FREM1: variants seen among roughly 807,000 people sequenced by gnomAD.
FREM1 encodes the protein FRAS1 related extracellular matrix 1, also known as FRAS1-related extracellular matrix protein 1.
In FREM1, 220 loss-of-function variants were observed where a neutral mutation model predicts 210.1. The ratio of observed to expected loss-of-function variants is 1.05; its 90% CI spans 0.94 to 1.17. FREM1 has a LOEUF of 1.17. Ranked by LOEUF, FREM1 falls within the 50% of genes most tolerant of loss-of-function variation. The pLI, the probability that FREM1 is intolerant of heterozygous loss-of-function variation, is 0.00. For synonymous variants in FREM1, 1,189 were observed against 980.2 expected, an observed-to-expected ratio of 1.21 and a Z score of -3.98; for missense variants, 3,454 against 2,675.5, an observed-to-expected ratio of 1.29 and a Z score of -6.42.
chr9:14,753,829 T>G (rs1843798430), intron 29 of FREM1, among the ~76,000 whole-genome samples: 1 of 152,218 alleles, frequency 6.6e-6, no homozygotes, highest in Admixed American at 6.5e-5. Context: ...GCTTCTGGGT[T>G]AATAAATTCT....
intron 1 of FREM1, among the ~76,000 whole-genome samples, chr9:14,872,850 C>G (rs1287779381): frequency 1.3e-5 from 2 of 151,926 alleles, no homozygotes; most frequent in African/African-American, 2.4e-5. Flanking sequence ...CCCATCAATA[C>G]CTAATTTATT....
chr9:14,846,559 C>G (rs922548476), intron 7 of FREM1, among the ~76,000 whole-genome samples: 8 of 152,144 alleles, frequency 5.3e-5, no homozygotes, highest in Non-Finnish European at 1.2e-4. Context: ...TTGGCAAGTT[C>G]TATGACATGC....
chr9:14,754,994 G>A (rs1247853456), intron 29 of FREM1, among the ~76,000 whole-genome samples: 2 of 152,138 alleles, frequency 1.3e-5, no homozygotes, highest in Non-Finnish European at 2.9e-5. Flanking sequence ...AGAACGCTAC[G>A]TGAAGATGAA....
At chr9:14,903,555 A>T (rs991394058) in intron 1 of FREM1, among the ~76,000 whole-genome samples, 17 of 152,038 alleles carry the variant, frequency 1.1e-4, no homozygotes, top group Non-Finnish European at 2.4e-4. Context: ...ATTCCGTAAG[A>T]CCTCATCATT....
At chr9:14,743,880 G>A (rs1841976051) in intron 35 of FREM1, among the ~76,000 whole-genome samples, 3 of 151,878 alleles carry the variant, frequency 2.0e-5, no homozygotes, top group Admixed American at 2.0e-4. Context: ...TCCTCAAGGA[G>A]AAAAAAAGAC....
chr9:14,826,355 G>C (rs145750846), intron 10 of FREM1, among the ~76,000 whole-genome samples: 3,770 of 152,236 alleles, frequency 0.025, 63 homozygotes, highest in Non-Finnish European at 0.037. Context: ...GCCTCCCAAA[G>C]TGCTGGGATT....
chr9:14,784,334 C>T, intron 24 of FREM1, 36 bp downstream of exon 24: 2 of 1,589,774 alleles, frequency 1.3e-6, no homozygotes, highest in East Asian at 4.5e-5. Flanking sequence ...AGTATTAATC[C>T]AAAGAAGGGG....
At chr9:14,792,613 A>C (rs1281768999) in intron 22 of FREM1, 130 bp downstream of exon 22, 11 of 661,862 alleles carry the variant, frequency 1.7e-5, no homozygotes, top group Admixed American at 1.1e-4. Flanking sequence ...TGAACTAGTA[A>C]AATTAAATTT....
At chr9:14,855,007 T>C (rs2131465430) in intron 5 of FREM1, among the ~76,000 whole-genome samples, 1 of 152,218 alleles carries the variant, frequency 6.6e-6, no homozygotes, top group South Asian at 2.1e-4. Flanking sequence ...AATTTATAGT[T>C]CTAATTGGAT....
chr9:14,749,837 C>T (rs943365561), intron 30 of FREM1, among the ~76,000 whole-genome samples: 28 of 152,196 alleles, frequency 1.8e-4, no homozygotes, highest in East Asian at 3.9e-4. Context: ...AAATAATTGT[C>T]GACAGATTCT....
chr9:14,907,451 A>G (rs1282436153), intron 1 of FREM1, among the ~76,000 whole-genome samples: 1 of 152,162 alleles, frequency 6.6e-6, no homozygotes, highest in Non-Finnish European at 1.5e-5. Flanking sequence ...ACTTGAATGA[A>G]AGGGTCAGGT....
chr9:14,876,920 G>C (rs143928067), intron 1 of FREM1, among the ~76,000 whole-genome samples: 91 of 152,316 alleles, frequency 6.0e-4, no homozygotes, highest in Non-Finnish European at 5.9e-5. Flanking sequence ...AGGGAGAGGA[G>C]AGGCAAGAAG....
intron 21 of FREM1, among the ~76,000 whole-genome samples, chr9:14,793,086 A>C (rs1312945144): frequency 6.6e-6 from 1 of 152,272 alleles, no homozygotes; most frequent in African/African-American, 2.4e-5. Flanking sequence ...ACAATGGGTC[A>C]GCCCTAATGA....
In FREM1 at chr9:14,739,892, T is replaced by C. The variant is rs970004988; in HGVS notation, c.6340+257A>G. Among the ~76,000 whole-genome samples, 3 of 152,224 alleles carry C rather than the reference T, an allele frequency of 2.0e-5. No homozygotes were observed. In the South Asian group the frequency reaches 6.2e-4, roughly 32 times the overall value. On this transcript the variant is annotated intron_variant, in intron 36 of 36. Transcript: ENST00000380880. ...TAATTTTTTGGTTTTAGAAATGTTA[T>C]TGCATTGAATTCTCTTGCCTGTCAA...
intron 10 of FREM1, among the ~76,000 whole-genome samples, chr9:14,833,520 C>T (rs905738961): frequency 4.6e-5 from 7 of 152,290 alleles, no homozygotes; most frequent in African/African-American, 1.4e-4. Context: ...TCAAAAGCTG[C>T]CTATCACTCC....
intron 20 of FREM1, among the ~76,000 whole-genome samples, chr9:14,799,596 A>T (rs556570841): frequency 3.9e-5 from 6 of 152,196 alleles, no homozygotes; most frequent in East Asian, 1.9e-4. Context: ...GTTATTTTTT[A>T]AAAAATTGAC....
intron 1 of FREM1, among the ~76,000 whole-genome samples, chr9:14,888,850 A>C (rs1836276953): frequency 6.6e-6 from 1 of 152,228 alleles, no homozygotes; most frequent in Non-Finnish European, 1.5e-5. Context: ...TTCTGAAAAT[A>C]ACTTTTTTTA....
intron 7 of FREM1, among the ~76,000 whole-genome samples, chr9:14,847,308 T>G (rs975608438): frequency 2.6e-5 from 4 of 151,798 alleles, no homozygotes; most frequent in African/African-American, 9.7e-5. Context: ...ACTCTTGCTT[T>G]TAGTATAGGG....
At chr9:14,762,425 C>T (rs985900433) in intron 27 of FREM1, among the ~76,000 whole-genome samples, 2 of 152,180 alleles carry the variant, frequency 1.3e-5, no homozygotes, top group East Asian at 1.9e-4. Flanking sequence ...GACCTCAAGG[C>T]GAAAAGCTAA....
Sources: gnomAD v4.1 joint callset for allele counts (sites outside exome capture counted in the v4.1 genomes callset) on GRCh38, gnomAD v4.1.1 for gene constraint, MANE v1.5 for transcripts, NCBI Gene and HGNC (gene_info 2026-07-23, HGNC 2026-07-21) for gene names.